The following PPP5C variants were observed in gnomAD, a reference collection of about 807,000 sequenced individuals.
The protein encoded by PPP5C is protein phosphatase 5 catalytic subunit.
Under a neutral mutation model 66.7 loss-of-function variants are expected in PPP5C, and 21 were observed. The ratio of observed to expected loss-of-function variants is 0.31; its 90% CI spans 0.22 to 0.45. The LOEUF (loss-of-function observed/expected upper bound fraction) is 0.45, where lower values mean the gene tolerates loss of function less well. Ranked by LOEUF, PPP5C falls within the 20% of genes least tolerant of loss-of-function variation. The pLI is 1.00. For missense variants in PPP5C, 464 were observed against 675.9 expected, an observed-to-expected ratio of 0.69 and a Z score of 3.48; for synonymous variants, 246 against 257.4, an observed-to-expected ratio of 0.96 and a Z score of 0.43.
rs73942404 is a variant in PPP5C at position 46,387,613 on chromosome 19, C to A, written c.1135+160C>A. ...CTCACCTGCGACTTGGGCCAGTGCA[C>A]CTCCTTCATGGGGCTGTGATGGCAA... On this transcript the variant is annotated intron_variant, in intron 9 of 12. Transcript: ENST00000012443. 5,621 of 1,535,492 alleles carry A rather than the reference C, an allele frequency of 3.7e-3. 186 individuals are homozygous for A. The African/African-American group carries it at 0.067, about 18-fold the overall frequency.
Position 46,353,737 on chromosome 19 carries a change from T to C in PPP5C, c.122-11T>C. 6.2e-7 allele frequency: 1 copy of C among 1,613,992 alleles called. No individual in the cohort carries two copies. Among genetic ancestry groups the C allele is most frequent in the Non-Finnish European group, 8.5e-7 (1 of 1,179,922 alleles). The stretch of plus-strand genomic sequence containing the variant: ...GAGCACTGCCTCATGCCTCTTCTTC[T>C]GTCTCCGCAGCCAAGGACTACGAGA... On this transcript the variant is annotated splice_polypyrimidine_tract_variant and intron_variant, in intron 1 of 12. Coordinates refer to ENST00000012443, the MANE Select transcript of PPP5C (RefSeq NM_006247.4).
In PPP5C at chr19:46,383,516, T is replaced by C. The variant is rs1020376791; in HGVS notation, c.699+40T>C. ...GCAGTGCGGGGAGGGCCAGCGGGGG[T>C]GGGCTCTCTGGCTGGGGAGGGGCCA... On this transcript the variant is annotated intron_variant, in intron 5 of 12. Transcript: ENST00000012443. The surrounding 1 kb of genome is among the most constrained non-coding windows in gnomAD (Gnocchi z 5.0). 4.7e-6 allele frequency: 7 copies of C among 1,479,834 alleles called. No individual in the cohort carries two copies. In the African/African-American group the frequency reaches 9.8e-5, roughly 21 times the overall value. The allele number at this position is 1,479,834 out of a possible 1,614,324, so 91.7% of individuals were successfully genotyped here.
intron 1 of PPP5C, among the ~76,000 whole-genome samples, chr19:46,347,850 A>G (rs1029048876): frequency 7.9e-5 from 12 of 152,008 alleles, no homozygotes; most frequent in African/African-American, 2.7e-4. Flanking sequence ...GTTATGTGCC[A>G]AGGACTGTGC....
chr19:46,385,059 G>A, intron 7 of PPP5C, 150 bp downstream of exon 7: 1 of 616,464 alleles, frequency 1.6e-6, no homozygotes, highest in Non-Finnish European at 2.9e-6. Flanking sequence ...GTAGTGCACT[G>A]CACAAAAGCA....
rs1568579408 is a variant in PPP5C at position 46,388,941 on chromosome 19, C to T, written c.1355+210C>T. 1.3e-5 allele frequency among the ~76,000 whole-genome samples: 2 copies of T among 152,278 alleles called. No individual in the cohort carries two copies. Among genetic ancestry groups the T allele is most frequent in the South Asian group, 2.1e-4 (1 of 4,820 alleles). On this transcript the variant is annotated intron_variant, in intron 11 of 12. Transcript: ENST00000012443. This position sits in a 1 kb window ranked among gnomAD's most constrained non-coding sequence, Gnocchi z 4.9. ...ACCAGCTGCCCTGTGTTACAGCAAG[C>T]CCCTGGCACTTCACCTTTCTCCCAC...
At chr19:46,363,979 G>A (rs150252660) in intron 2 of PPP5C, among the ~76,000 whole-genome samples, 90 of 152,286 alleles carry the variant, frequency 5.9e-4, no homozygotes, top group African/African-American at 2.1e-3. Context: ...GTTCACTCAT[G>A]TGATACCAAA....
rs750347667 is a variant in PPP5C at position 46,375,705 on chromosome 19, C to T, written c.465C>T (p.Asp155=). 1.1e-5 allele frequency: 18 copies of T among 1,611,034 alleles called. No homozygotes were observed. Among genetic ancestry groups the T allele is most frequent in the East Asian group, 6.7e-5 (3 of 44,782 alleles). The change falls in exon 3 of 13, where the codon GAC becomes GAT. Residue 155 remains aspartate, a synonymous_variant. Coordinates refer to ENST00000012443, the MANE Select transcript of PPP5C (RefSeq NM_006247.4). ...QKAFERAIAG[D]EHKRSVVDSL... ...CCTTTGAGCGGGCCATCGCGGGCGA[C>T]GAGCACAAGCGCTCCGTGGTGGACT...
chr19:46,359,735 T>A (rs78892781), intron 2 of PPP5C, among the ~76,000 whole-genome samples: 1 of 152,094 alleles, frequency 6.6e-6, no homozygotes, highest in Non-Finnish European at 1.5e-5. Flanking sequence ...ATAGACTCCT[T>A]TTAAGTTGGC....
At position 46,375,877 on chromosome 19, in the gene PPP5C, C is replaced by T. The variant is rs1972686584; in HGVS notation, c.511+126C>T. The T allele has an allele frequency of 2.8e-6, 4 of 1,423,782 alleles. 1 individual carries two copies. In the Admixed American group the frequency reaches 8.2e-5, roughly 29 times the overall value. The allele number at this position is 1,423,782 out of a possible 1,614,324, so 88.2% of individuals were successfully genotyped here. A position where few individuals can be genotyped will look rare whatever the true frequency, so the allele number is the denominator to read the frequency against. On this transcript the variant is annotated intron_variant, in intron 3 of 12. Transcript: ENST00000012443. The stretch of plus-strand genomic sequence containing the variant: ...TCTGTCCCCAGGCTGGTGTCTGTCG[C>T]TCCTCTGCCTGTGTTCCAGGGCGCT...
rs375368329 is a variant in PPP5C at position 46,363,124 on chromosome 19, C to T, written c.363+9135C>T. 9.5e-5 allele frequency among the ~76,000 whole-genome samples: 14 copies of T among 147,516 alleles called. No individual in the cohort carries two copies. The East Asian group carries it at 2.4e-3, about 25-fold the overall frequency. On this transcript the variant is annotated intron_variant, in intron 2 of 12. Transcript: ENST00000012443. ...TTTATTAAAACCATCCCGGCTAAAA[C>T]GGTGAAACCCCGTCTCTACTAAAAA...
rs1972942090 is a variant in PPP5C, at chr19:46,388,960, C to T, written c.1355+229C>T. Among the ~76,000 whole-genome samples, 1 of 152,184 alleles carries T rather than the reference C, an allele frequency of 6.6e-6. No homozygotes were observed. The highest frequency in any genetic ancestry group is 6.5e-5 in the Admixed American group (1 of 15,278). On this transcript the variant is annotated intron_variant, in intron 11 of 12. Transcript: ENST00000012443. This position sits in a 1 kb window ranked among gnomAD's most constrained non-coding sequence, Gnocchi z 4.9. Reference sequence around the variant, plus strand: ...AGCAAGCCCCTGGCACTTCACCTTTCTCCCACTGATTGCCCAGCACTTTTC... The same window carrying T: ...AGCAAGCCCCTGGCACTTCACCTTTTTCCCACTGATTGCCCAGCACTTTTC...
chr19:46,387,866 G>T (rs762615836), intron 9 of PPP5C: 4 of 601,056 alleles, frequency 6.7e-6, no homozygotes, highest in African/African-American at 1.9e-5. Context: ...GGGTGCTCAG[G>T]AAGGCCTCTC....
In PPP5C at chr19:46,390,555, A is replaced by G. The variant is rs1469352722; in HGVS notation, c.*209A>G. ...AGGGTCTGCTCCCTGGACAGAGAGGAAGGAGGTGGAGCAGCTGGGGCTGGG... is the reference window on the plus strand; with the variant it reads ...AGGGTCTGCTCCCTGGACAGAGAGGGAGGAGGTGGAGCAGCTGGGGCTGGG... On this transcript the variant is annotated 3_prime_UTR_variant, in exon 13 of 13. Coordinates refer to ENST00000012443, the MANE Select transcript of PPP5C (RefSeq NM_006247.4). The G allele has an allele frequency of 7.1e-6, 10 of 1,411,300 alleles. No homozygotes were observed. Among genetic ancestry groups the G allele is most frequent in the East Asian group, 2.6e-5 (1 of 38,466 alleles). The allele number at this position is 1,411,300 out of a possible 1,614,324, so 87.4% of individuals were successfully genotyped here.
rs117776595 is a variant in PPP5C at position 46,372,475 on chromosome 19, A to G, written c.364-3129A>G. Among the ~76,000 whole-genome samples, 153 of 152,270 alleles carry G rather than the reference A, an allele frequency of 1.0e-3. 2 individuals are homozygous for G. In the East Asian group the frequency reaches 0.029, roughly 29 times the overall value. On this transcript the variant is annotated intron_variant, in intron 2 of 12. Transcript: ENST00000012443. Reference sequence around the variant, plus strand: ...TGATCCTCCCACCTCAGCCTCCCACAGTGGTGGGATTATAGGTGTGAGCCA... The same window carrying G: ...TGATCCTCCCACCTCAGCCTCCCACGGTGGTGGGATTATAGGTGTGAGCCA...
chr19:46,371,118 C>A (rs559448927), intron 2 of PPP5C, among the ~76,000 whole-genome samples: 4 of 152,190 alleles, frequency 2.6e-5, no homozygotes, highest in African/African-American at 9.6e-5. Flanking sequence ...TCACGGGGTC[C>A]TTTTCCGGAA....
rs1322154806 is a variant in PPP5C at position 46,361,518 on chromosome 19, A to G, written c.363+7529A>G. Among the ~76,000 whole-genome samples, 48 of 145,440 alleles carry G rather than the reference A, an allele frequency of 3.3e-4. 1 individual carries two copies. The highest frequency in any genetic ancestry group is 1.2e-3 in the African/African-American group (47 of 39,906). Reference sequence around the variant, plus strand: ...TCCCAGCACTTTGGGAGACTGAGGCAGGCGGATCATGAGGTCAAGAGATCG... The same window carrying G: ...TCCCAGCACTTTGGGAGACTGAGGCGGGCGGATCATGAGGTCAAGAGATCG... On this transcript the variant is annotated intron_variant, in intron 2 of 12. Coordinates refer to ENST00000012443, the MANE Select transcript of PPP5C (RefSeq NM_006247.4).
intron 2 of PPP5C, among the ~76,000 whole-genome samples, chr19:46,365,524 AT>A (rs535085643): frequency 6.8e-4 from 104 of 152,236 alleles, no homozygotes; most frequent in Non-Finnish European, 1.3e-3. Flanking sequence ...TCACCAGTGA[AT>A]CGTGAGGCAT....
At chr19:46,350,970 A>G (rs1972173887) in intron 1 of PPP5C, among the ~76,000 whole-genome samples, 1 of 152,122 alleles carries the variant, frequency 6.6e-6, no homozygotes, top group African/African-American at 2.4e-5. Context: ...GGCCTATTCC[A>G]GAAATCCTGG....
At chr19:46,381,850 T>C (rs1972796687) in intron 4 of PPP5C, 1 of 152,212 alleles carries the variant, frequency 6.6e-6, no homozygotes, top group Admixed American at 6.5e-5. Flanking sequence ...GCAGCTTTTA[T>C]TGGAGTTTCT....
Sources: gnomAD v4.1 joint callset for allele counts (sites outside exome capture counted in the v4.1 genomes callset) on GRCh38, gnomAD v4.1.1 for gene constraint, Gnocchi (gnomAD v3.1) non-coding constraint, MANE v1.5 for transcripts, NCBI Gene and HGNC (gene_info 2026-07-23, HGNC 2026-07-21) for gene names.